Variants in CNTNAP2 observed in about 807,000 individuals in gnomAD.
CNTNAP2 encodes contactin associated protein 2.
A neutral mutation model predicts 155.2 loss-of-function variants in CNTNAP2; 98 were observed. That is an observed-to-expected ratio of 0.63 (90% CI 0.54 to 0.75). The LOEUF is 0.75. CNTNAP2 is among the 30% of genes least tolerant of loss of function. The probability of loss-of-function intolerance (pLI) is 0.00; values close to 1 mark genes in which losing one functional copy is unlikely to be tolerated. For missense variants in CNTNAP2, 1,727 were observed against 1,688.1 expected (o/e 1.02, Z -0.40); for synonymous variants, 651 against 631.2 (o/e 1.03, Z -0.47).
At position 147,837,160 on chromosome 7, in the gene CNTNAP2, A is replaced by G. The variant is rs188849443; in HGVS notation, c.2099-66405A>G. On this transcript the variant is annotated intron_variant, in intron 13 of 23. Coordinates refer to ENST00000361727, the MANE Select transcript of CNTNAP2 (RefSeq NM_014141.6). Reference sequence around the variant, plus strand: ...AGACATATCCGAGACTGGGCAATTTACAAAAGAAAGAGGTTTAATGGACTC... The same window carrying G: ...AGACATATCCGAGACTGGGCAATTTGCAAAAGAAAGAGGTTTAATGGACTC... Among the ~76,000 whole-genome samples, 336 of 152,338 alleles carry G rather than the reference A, an allele frequency of 2.2e-3. 1 individual carries two copies. The highest frequency in any genetic ancestry group is 7.8e-3 in the African/African-American group (324 of 41,582).
At chr7:147,992,965 T>C (rs1585066842) in intron 15 of CNTNAP2, among the ~76,000 whole-genome samples, 1 of 152,246 alleles carries the variant, frequency 6.6e-6, no homozygotes, top group Non-Finnish European at 1.5e-5. Context: ...TATATTATAC[T>C]GAATAGGATA....
intron 13 of CNTNAP2, among the ~76,000 whole-genome samples, chr7:147,695,734 G>A (rs371198009): frequency 9.2e-5 from 14 of 152,082 alleles, no homozygotes; most frequent in South Asian, 2.1e-4. Flanking sequence ...CCCGGGAGGC[G>A]AAGGTTGCAG....
At chr7:146,831,275 A>G (rs959566691) in intron 2 of CNTNAP2, among the ~76,000 whole-genome samples, 2 of 152,088 alleles carry the variant, frequency 1.3e-5, no homozygotes, top group African/African-American at 4.8e-5. Flanking sequence ...GTTTTTGACT[A>G]TCTTTCTTTT....
rs979946758 is a variant in CNTNAP2 at position 147,002,095 on chromosome 7, G to A, written c.403-41812G>A. On this transcript the variant is annotated intron_variant, in intron 3 of 23. Coordinates refer to ENST00000361727, the MANE Select transcript of CNTNAP2 (RefSeq NM_014141.6). ...TATATAATAGGTAGGGTAATAAAGT[G>A]TGATAACAAATATTAAAATAATGAA... 2.0e-5 allele frequency among the ~76,000 whole-genome samples: 3 copies of A among 151,944 alleles called. No homozygotes were observed. In the South Asian group the frequency reaches 6.2e-4, roughly 31 times the overall value.
At chr7:148,173,952 G>A (rs769735732) in intron 18 of CNTNAP2, among the ~76,000 whole-genome samples, 12 of 152,130 alleles carry the variant, frequency 7.9e-5, no homozygotes, top group African/African-American at 1.9e-4. Flanking sequence ...AGTAGCTCAC[G>A]CAAAACCTCT....
At chr7:147,774,680 A>AT (rs1797530660) in intron 13 of CNTNAP2, among the ~76,000 whole-genome samples, 1 of 152,184 alleles carries the variant, frequency 6.6e-6, no homozygotes, top group Non-Finnish European at 1.5e-5. Context: ...CCATCTGCAC[A>AT]TAAGGGAGAG....
chr7:148,037,285 A>T (rs537465894), intron 15 of CNTNAP2, among the ~76,000 whole-genome samples: 1 of 152,310 alleles, frequency 6.6e-6, no homozygotes, highest in East Asian at 1.9e-4. Flanking sequence ...CAAAATGGCA[A>T]TCTTCATGTA....
At chr7:146,714,789 C>T (rs771325117) in intron 1 of CNTNAP2, among the ~76,000 whole-genome samples, 10 of 152,090 alleles carry the variant, frequency 6.6e-5, no homozygotes, top group Non-Finnish European at 1.3e-4. Context: ...TGAATTTCAA[C>T]AATATTCCTT....
At chr7:147,311,709 T>C (rs540375347) in intron 9 of CNTNAP2, among the ~76,000 whole-genome samples, 180 of 146,182 alleles carry the variant, frequency 1.2e-3, no homozygotes, top group Non-Finnish European at 2.3e-3. Flanking sequence ...AGTTTGTGTT[T>C]TTTTTTCCCC....
At chr7:146,906,097 C>G (rs532968012) in intron 3 of CNTNAP2, among the ~76,000 whole-genome samples, 4 of 152,346 alleles carry the variant, frequency 2.6e-5, no homozygotes, top group Admixed American at 6.5e-5. Context: ...TTCAGACCGG[C>G]TTAAAAAACG....
At chr7:146,568,165 C>T (rs1798387192) in intron 1 of CNTNAP2, among the ~76,000 whole-genome samples, 3 of 152,010 alleles carry the variant, frequency 2.0e-5, no homozygotes, top group Non-Finnish European at 4.4e-5. Flanking sequence ...CTTTTGACTT[C>T]GGGCTTTCCA....
intron 10 of CNTNAP2, among the ~76,000 whole-genome samples, chr7:147,435,329 C>T (rs543002125): frequency 6.6e-6 from 1 of 152,250 alleles, no homozygotes; most frequent in East Asian, 1.9e-4. Flanking sequence ...TGCCAAGATT[C>T]ACCTTAGACC....
chr7:146,641,782 CAACT>C (rs1312945951), intron 1 of CNTNAP2, among the ~76,000 whole-genome samples: 8 of 152,132 alleles, frequency 5.3e-5, no homozygotes, highest in Non-Finnish European at 7.3e-5. Flanking sequence ...TACAGTTTTA[CAACT>C]ATCATAGAGA....
At chr7:146,475,928 T>C (rs1266194455) in intron 1 of CNTNAP2, among the ~76,000 whole-genome samples, 2 of 152,108 alleles carry the variant, frequency 1.3e-5, no homozygotes, top group African/African-American at 4.8e-5. Flanking sequence ...AAATTTATGA[T>C]TTTTTATGTT....
intron 23 of CNTNAP2, 109 bp downstream of exon 23, chr7:148,409,580 T>C (rs1330984601): frequency 2.3e-6 from 2 of 881,342 alleles, no homozygotes; most frequent in African/African-American, 3.3e-5. Context: ...TTTTACATTA[T>C]TCATTTTGCT....
intron 1 of CNTNAP2, among the ~76,000 whole-genome samples, chr7:146,264,635 G>A (rs889194741): frequency 5.9e-5 from 9 of 152,154 alleles, no homozygotes; most frequent in African/African-American, 2.2e-4. Flanking sequence ...GAAATAGCAC[G>A]TGGGGTTATC....
intron 21 of CNTNAP2, among the ~76,000 whole-genome samples, chr7:148,356,710 C>T (rs1289454577): frequency 6.6e-6 from 1 of 152,118 alleles, no homozygotes; most frequent in African/African-American, 2.4e-5. Flanking sequence ...GAAGTATGCT[C>T]ATTTATAAAG....
intron 9 of CNTNAP2, among the ~76,000 whole-genome samples, chr7:147,301,752 A>T (rs1794950319): frequency 6.6e-6 from 1 of 152,082 alleles, no homozygotes; most frequent in African/African-American, 2.4e-5. Flanking sequence ...GTAGATGAAC[A>T]ATAAATATTT....
intron 15 of CNTNAP2, among the ~76,000 whole-genome samples, chr7:148,108,601 G>A (rs1047134594): frequency 7.3e-5 from 11 of 151,604 alleles, no homozygotes; most frequent in East Asian, 4.0e-4. Flanking sequence ...GCCAGGCACC[G>A]AAAACAAATA....
Sources: allele counts gnomAD v4.1 joint callset (sites outside exome capture counted in the v4.1 genomes callset), GRCh38; gene constraint gnomAD v4.1.1; transcripts MANE v1.5; gene names NCBI Gene and HGNC (gene_info 2026-07-23, HGNC 2026-07-21).